Variants in DNAJB12 observed in about 807,000 individuals in gnomAD.
DNAJB12 encodes the protein DnaJ heat shock protein family (Hsp40) member B12, also known as dnaJ homolog subfamily B member 12.
A neutral mutation model predicts 40.6 loss-of-function variants in DNAJB12; 14 were observed. The ratio of observed to expected loss-of-function variants is 0.34; its 90% CI spans 0.23 to 0.54. The LOEUF is 0.54. Ranked by LOEUF, DNAJB12 falls within the 20% of genes least tolerant of loss-of-function variation. The pLI is 0.92. For synonymous variants in DNAJB12, 181 were observed against 199.5 expected, an observed-to-expected ratio of 0.91 and a Z score of 0.78; for missense variants, 444 against 501.7, an observed-to-expected ratio of 0.89 and a Z score of 1.10.
At chr10:72,340,670 A>T in intron 5 of DNAJB12, 119 bp downstream of exon 5, 1 of 1,023,472 alleles carries the variant, frequency 9.8e-7, no homozygotes. Context: ...GCTGAGAGTT[A>T]TGGGGACTCT....
intron 1 of DNAJB12, among the ~76,000 whole-genome samples, chr10:72,349,061 G>A (rs1370198436): frequency 6.6e-6 from 1 of 152,158 alleles, no homozygotes; most frequent in African/African-American, 2.4e-5. Context: ...GGGGATCGGG[G>A]ACAGGGATGC....
At chr10:72,351,282 C>A (rs1419467360) in intron 1 of DNAJB12, among the ~76,000 whole-genome samples, 1 of 152,224 alleles carries the variant, frequency 6.6e-6, no homozygotes, top group Non-Finnish European at 1.5e-5. Flanking sequence ...CAGCTTAGGG[C>A]CCAGCTACTG....
intron 1 of DNAJB12, among the ~76,000 whole-genome samples, chr10:72,347,478 C>A (rs1304760237): frequency 6.6e-6 from 1 of 152,210 alleles, no homozygotes; most frequent in Non-Finnish European, 1.5e-5. Context: ...TGGTAGGAGA[C>A]CAAAAGAAGT....
In DNAJB12 at chr10:72,341,074, T is replaced by C. The variant is rs1402960150; in HGVS notation, c.554A>G (p.His185Arg). The C allele has an allele frequency of 3.1e-6, 5 of 1,614,190 alleles. No homozygotes were observed. The highest frequency in any genetic ancestry group is 2.7e-5 in the African/African-American group (2 of 75,060). ...DDKSQAARHG[H>R]GHGDFHRGFE... is the part of the protein sequence containing the mutation. The stretch of plus-strand genomic sequence containing the variant: ...GCCACGGTGGAAATCCCCATGCCCA[T>C]GGCCGTGCCGGGCCGCCTGGCTCTT... The change falls in exon 4 of 9, where the codon CAT (histidine) becomes CGT (arginine). Residue 185 changes from histidine (H) to arginine (R), a missense_variant. His to Arg is a conservative substitution (Grantham distance 29). Coordinates refer to ENST00000444643, the MANE Select transcript of DNAJB12 (RefSeq NM_017626.7).
At chr10:72,343,633 T>TGAC (rs1371599530) in intron 2 of DNAJB12, 122 bp from the exon 3 acceptor site, 1 of 1,033,042 alleles carries the variant, frequency 9.7e-7, no homozygotes, top group East Asian at 2.4e-5. Flanking sequence ...AGGGCAAGGC[T>TGAC]GACAGCTCCT....
At chr10:72,340,679 C>T (rs1358409083) in intron 5 of DNAJB12, 110 bp downstream of exon 5, 2 of 1,117,228 alleles carry the variant, frequency 1.8e-6, no homozygotes, top group African/African-American at 3.1e-5. Context: ...TATGGGGACT[C>T]TGCTGGTCCC....
chr10:72,335,887 TA>T lies in DNAJB12; in HGVS notation c.1050del (p.Asp350GlufsTer39). On this transcript the variant is annotated frameshift_variant, in exon 8 of 9. Coordinates refer to ENST00000444643, the MANE Select transcript of DNAJB12 (RefSeq NM_017626.7). LOFTEE classifies it high-confidence loss of function. The surrounding 1 kb of genome is among the most constrained non-coding windows in gnomAD (Gnocchi z 4.4). Reference protein sequence around the residue: ...LYRARYFGDTDMYHRAQKMGT... With the variant: ...LYRARYFGDTXMYHRAQKMGT... The stretch of plus-strand genomic sequence containing the variant: ...CCCATCTTCTGTGCTCTGTGGTACA[TA>T]TCTGTGTCGCCAAAGTAGCGTGCCC... The T allele has an allele frequency of 6.2e-7, 1 of 1,614,102 alleles. No individual in the cohort carries two copies. The highest frequency in any genetic ancestry group is 8.5e-7 in the Non-Finnish European group (1 of 1,179,994).
chr10:72,341,190 G>C lies in DNAJB12; in HGVS notation c.458-20C>G. 6.3e-7 allele frequency: 1 copy of C among 1,596,718 alleles called. No homozygotes were observed. Among genetic ancestry groups the C allele is most frequent in the Middle Eastern group, 1.8e-4 (1 of 5,706 alleles). ...CAATGGCTGGAGAGGAGGAGGAAAG[G>C]TCAGGCCTGAGGATCCTGGGGTGCG... On this transcript the variant is annotated intron_variant, in intron 3 of 8. Coordinates refer to ENST00000444643, the MANE Select transcript of DNAJB12 (RefSeq NM_017626.7).
Position 72,345,064 on chromosome 10 carries a change from G to A in DNAJB12, c.197C>T (p.Thr66Ile), listed in dbSNP as rs140547874. The A allele has an allele frequency of 1.8e-5, 29 of 1,614,106 alleles. No homozygotes were observed. The highest frequency in any genetic ancestry group is 3.3e-5 in the Admixed American group (2 of 59,996). ...TAGDQPPPTD[T>I]THATHRKAGG... ...TGCTTTCCTGTGGGTGGCATGGGTT[G>A]TGTCTGTGGGTGGGGGTTGGTCACC... The change falls in exon 2 of 9, where the codon ACA becomes ATA. Residue 66 changes from threonine (T) to isoleucine (I), a missense_variant. Coordinates refer to ENST00000444643, the MANE Select transcript of DNAJB12 (RefSeq NM_017626.7).
At position 72,335,294 on chromosome 10, in the gene DNAJB12, G is replaced by A. The variant is rs1254388341; in HGVS notation, c.*30+486C>T. Reference sequence around the variant, plus strand: ...CCTCCTAGCTGGAGGGATGGAGAAAGGGGAGGGCTCTTGGCCCACCTATTC... The same window carrying A: ...CCTCCTAGCTGGAGGGATGGAGAAAAGGGAGGGCTCTTGGCCCACCTATTC... On this transcript the variant is annotated intron_variant, in intron 8 of 8. Transcript: ENST00000444643. This position sits in a 1 kb window ranked among gnomAD's most constrained non-coding sequence, Gnocchi z 4.4. 1.0e-6 allele frequency: 1 copy of A among 987,664 alleles called. No individual in the cohort carries two copies. The highest frequency in any genetic ancestry group is 1.7e-5 in the African/African-American group (1 of 57,292). The allele number at this position is 987,664 out of a possible 1,614,324, so 61.2% of individuals were successfully genotyped here.
At position 72,335,914 on chromosome 10, in the gene DNAJB12, G is replaced by A. The variant is rs984036892; in HGVS notation, c.1024C>T (p.Arg342Trp). 10 of 1,613,956 alleles carry A rather than the reference G, an allele frequency of 6.2e-6. No individual in the cohort carries two copies. The highest frequency in any genetic ancestry group is 4.0e-5 in the African/African-American group (3 of 74,914). Residue 342 changes from arginine to tryptophan, a missense_variant, in exon 8 of 9, where the codon CGG becomes TGG. Transcript: ENST00000444643. This position sits in a 1 kb window ranked among gnomAD's most constrained non-coding sequence, Gnocchi z 4.4. ...EKQQKEGLLY[R>W]ARYFGDTDMY... ...TCTGTGTCGCCAAAGTAGCGTGCCC[G>A]GTACAGCAAGCCTTCCTCTGCAAAG...
intron 8 of DNAJB12, chr10:72,334,966 T>G: frequency 5.3e-6 from 6 of 1,123,556 alleles, no homozygotes; most frequent in Non-Finnish European, 5.4e-6. Context: ...AGCGCCCCCA[T>G]TCGCCGGGCT....
intron 1 of DNAJB12, among the ~76,000 whole-genome samples, chr10:72,350,525 A>G: frequency 6.6e-6 from 1 of 152,088 alleles, no homozygotes; most frequent in East Asian, 1.9e-4. Flanking sequence ...TATCTCCATC[A>G]TACAGGCTAA....
intron 5 of DNAJB12, 41 bp from the exon 6 acceptor site, chr10:72,338,352 G>A (rs368654772): frequency 2.5e-6 from 4 of 1,571,876 alleles, no homozygotes; most frequent in Non-Finnish European, 3.5e-6. Context: ...GACCTGGGTG[G>A]GGTGTGGTGT....
intron 2 of DNAJB12, 113 bp from the exon 3 acceptor site, chr10:72,343,624 G>T: frequency 8.6e-7 from 1 of 1,159,254 alleles, no homozygotes. Flanking sequence ...GGGACCAACA[G>T]GGCAAGGCTG....
chr10:72,339,267 G>A (rs1461735756), intron 5 of DNAJB12, among the ~76,000 whole-genome samples: 2 of 151,310 alleles, frequency 1.3e-5, no homozygotes, highest in Non-Finnish European at 2.9e-5. Context: ...CCGGCATGGT[G>A]GCTCACGCCT....
In DNAJB12 at chr10:72,333,542, C is replaced by T. The variant is rs1861376975; in HGVS notation, c.*1106G>A. The T allele has an allele frequency of 6.5e-6, 1 of 152,700 alleles. No homozygotes were observed. 9.5% of individuals were successfully genotyped at this position (152,700 alleles called of 1,614,324 possible). ...TGCCCTGGGGTCCCGGCACCACTGA[C>T]TGACTCGGAGGAAGAACTTTCTGAA... On this transcript the variant is annotated 3_prime_UTR_variant, in exon 9 of 9. Transcript: ENST00000444643.
chr10:72,349,151 C>T (rs1273608862), intron 1 of DNAJB12, among the ~76,000 whole-genome samples: 1 of 152,070 alleles, frequency 6.6e-6, no homozygotes, highest in Non-Finnish European at 1.5e-5. Flanking sequence ...GCAGTGTGAC[C>T]CTGGCTGATC....
chr10:72,344,867 A>G (rs1266860969), intron 2 of DNAJB12, 83 bp downstream of exon 2: 1 of 1,519,808 alleles, frequency 6.6e-7, no homozygotes, highest in Non-Finnish European at 9.1e-7. Flanking sequence ...GCCCACAGGC[A>G]GATGGGAGGT....
Sources: gnomAD v4.1 joint callset for allele counts (sites outside exome capture counted in the v4.1 genomes callset) on GRCh38, gnomAD v4.1.1 for gene constraint, Gnocchi (gnomAD v3.1) non-coding constraint, MANE v1.5 for transcripts, NCBI Gene and HGNC (gene_info 2026-07-23, HGNC 2026-07-21) for gene names.